The following PDZD2 variants were observed in gnomAD, a reference collection of about 807,000 sequenced individuals.
PDZD2 encodes PDZ domain-containing protein 2.
In PDZD2, 90 loss-of-function variants were observed where a neutral mutation model predicts 220.7. The observed-to-expected ratio is 0.41, with a 90% CI of 0.34 to 0.49. The LOEUF is 0.49. Among genes scored for constraint, PDZD2 ranks in the 20% least tolerant of loss-of-function variants. The pLI is 0.28. For synonymous variants in PDZD2, 1,375 were observed against 1,450.5 expected, an observed-to-expected ratio of 0.95 and a Z score of 1.18; for missense variants, 3,174 against 3,608.5, an observed-to-expected ratio of 0.88 and a Z score of 3.08.
intron 2 of PDZD2, among the ~76,000 whole-genome samples, chr5:31,886,316 C>T (rs138672554): frequency 1.8e-4 from 27 of 152,230 alleles, no homozygotes; most frequent in Non-Finnish European, 3.5e-4. Flanking sequence ...AGGCTGGCAG[C>T]GACTCCAAGC....
chr5:31,767,446 G>A (rs891737841), intron 1 of PDZD2, among the ~76,000 whole-genome samples: 5 of 152,188 alleles, frequency 3.3e-5, no homozygotes, highest in African/African-American at 7.2e-5. Context: ...ATGGTCACCC[G>A]TTTCAGGAAG....
intron 1 of PDZD2, among the ~76,000 whole-genome samples, chr5:31,762,594 G>A (rs995247695): frequency 4.6e-5 from 7 of 152,068 alleles, no homozygotes; most frequent in African/African-American, 1.4e-4. Context: ...GGCTCCTATG[G>A]GCACTTCTTA....
intron 2 of PDZD2, among the ~76,000 whole-genome samples, chr5:31,949,366 T>G (rs961629004): frequency 7.9e-5 from 12 of 152,254 alleles, no homozygotes; most frequent in Middle Eastern, 3.4e-3. Flanking sequence ...CAACTGGAGT[T>G]TGAGATATGC....
At chr5:32,074,844 T>C (rs1741139256) in intron 18 of PDZD2, among the ~76,000 whole-genome samples, 1 of 151,384 alleles carries the variant, frequency 6.6e-6, no homozygotes, top group Non-Finnish European at 1.5e-5. Context: ...GGAGTTTCGC[T>C]CTGTCACCCA....
At chr5:31,789,337 T>G (rs1371197269) in intron 1 of PDZD2, among the ~76,000 whole-genome samples, 3 of 152,358 alleles carry the variant, frequency 2.0e-5, no homozygotes, top group African/African-American at 7.2e-5. Flanking sequence ...GGGCACTTGC[T>G]CCTCGAACAT....
intron 2 of PDZD2, among the ~76,000 whole-genome samples, chr5:31,902,834 C>G (rs1249029834): frequency 6.6e-6 from 1 of 151,502 alleles, no homozygotes; most frequent in African/African-American, 2.4e-5. Context: ...CCACTGCACT[C>G]CAGCCTGGAT....
intron 1 of PDZD2, among the ~76,000 whole-genome samples, chr5:31,725,338 C>CA (rs1215709111): frequency 0.23 from 15,143 of 67,078 alleles, 1,475 homozygotes; most frequent in East Asian, 0.48. Context: ...AACTCCATCT[C>CA]AAAAAAAAAA....
At chr5:32,030,742 C>T (rs192416219) in intron 6 of PDZD2, among the ~76,000 whole-genome samples, 1 of 152,252 alleles carries the variant, frequency 6.6e-6, no homozygotes, top group East Asian at 1.9e-4. Flanking sequence ...ACTGGCTCTG[C>T]GTTAGCTAAT....
chr5:32,020,459 ACT>A (rs1354803010), intron 6 of PDZD2, among the ~76,000 whole-genome samples: 7 of 152,142 alleles, frequency 4.6e-5, no homozygotes, highest in Non-Finnish European at 1.0e-4. Context: ...TCTCAGGATA[ACT>A]CTGTTTATGA....
At chr5:31,889,982 C>T (rs1740864240) in intron 2 of PDZD2, among the ~76,000 whole-genome samples, 1 of 151,948 alleles carries the variant, frequency 6.6e-6, no homozygotes, top group Non-Finnish European at 1.5e-5. Context: ...CAGATAGTGT[C>T]ACTGCACTCC....
chr5:32,003,394 CCA>C (rs1283682973), intron 5 of PDZD2, among the ~76,000 whole-genome samples: 4 of 131,008 alleles, frequency 3.1e-5, no homozygotes, highest in African/African-American at 5.8e-5. Context: ...CCCACACACA[CCA>C]CACACACACT....
intron 1 of PDZD2, among the ~76,000 whole-genome samples, chr5:31,735,666 C>T (rs1048163716): frequency 3.3e-5 from 5 of 151,582 alleles, no homozygotes; most frequent in Admixed American, 3.3e-4. Flanking sequence ...CTGATATGCA[C>T]CCGGGCTCAG....
At chr5:31,671,826 A>C (rs902422527) in intron 1 of PDZD2, among the ~76,000 whole-genome samples, 1 of 152,224 alleles carries the variant, frequency 6.6e-6, no homozygotes, top group Non-Finnish European at 1.5e-5. Flanking sequence ...GTCTGTAGTT[A>C]TGCGGTCAGG....
intron 1 of PDZD2, among the ~76,000 whole-genome samples, chr5:31,721,096 A>C (rs1748763313): frequency 6.6e-6 from 1 of 152,162 alleles, no homozygotes; most frequent in Non-Finnish European, 1.5e-5. Context: ...AAGACCAGTA[A>C]GGGAGTTGTT....
At chr5:32,031,208 T>C (rs904977783) in intron 6 of PDZD2, among the ~76,000 whole-genome samples, 10 of 152,326 alleles carry the variant, frequency 6.6e-5, no homozygotes, top group African/African-American at 2.2e-4. Context: ...CCCTTTAAGA[T>C]AGGAACCGTC....
rs965965034 is a variant in PDZD2 at position 31,819,375 on chromosome 5, G to A, written c.476+19651G>A. ...CTTTTTTGCTGTGTCCAGAATTCTG[G>A]GCTGGGTGTGGTGGCCCACACTTGT... On this transcript the variant is annotated intron_variant, in intron 2 of 24. Coordinates refer to ENST00000438447, the MANE Select transcript of PDZD2 (RefSeq NM_178140.4). Among the ~76,000 whole-genome samples, 7 of 152,204 alleles carry A rather than the reference G, an allele frequency of 4.6e-5. No individual in the cohort carries two copies. In the East Asian group the frequency reaches 1.4e-3, roughly 29 times the overall value.
At chr5:31,950,591 A>G (rs1747097567) in intron 2 of PDZD2, among the ~76,000 whole-genome samples, 1 of 152,202 alleles carries the variant, frequency 6.6e-6, no homozygotes, top group Non-Finnish European at 1.5e-5. Context: ...AAGAAATTAA[A>G]TGGAGTTACA....
Position 31,883,023 on chromosome 5 carries a change from C to CAAAAAAAAAAAA in PDZD2, c.476+83313_476+83324dup, listed in dbSNP as rs781370177. ...CCATCCTGGGTGACAGACTCTGTCTCAAAAAAAAAAAAAAAAAAAAAAAAA... is the reference window on the plus strand; with the variant it reads ...CCATCCTGGGTGACAGACTCTGTCTCAAAAAAAAAAAAAAAAAAAAAAAAAAAAAAAAAAAAA... On this transcript the variant is annotated intron_variant, in intron 2 of 24. Coordinates refer to ENST00000438447, the MANE Select transcript of PDZD2 (RefSeq NM_178140.4). Among the ~76,000 whole-genome samples the CAAAAAAAAAAAA allele has an allele frequency of 4.4e-4, 21 of 47,962 alleles. 1 individual carries two copies. The highest frequency in any genetic ancestry group is 1.6e-3 in the African/African-American group (21 of 13,208). 31.5% of individuals were successfully genotyped at this position (47,962 alleles called of 152,430 possible).
intron 19 of PDZD2, 83 bp downstream of exon 19, chr5:32,077,689 G>A: frequency 7.2e-7 from 1 of 1,396,168 alleles, no homozygotes; most frequent in Non-Finnish European, 9.9e-7. Context: ...AGGCGCAGTG[G>A]CTTACACCTG....
Sources: allele counts gnomAD v4.1 joint callset (sites outside exome capture counted in the v4.1 genomes callset), GRCh38; gene constraint gnomAD v4.1.1; transcripts MANE v1.5; gene names NCBI Gene and HGNC (gene_info 2026-07-23, HGNC 2026-07-21).